The following NBEA variants were observed in gnomAD, a reference collection of about 807,000 sequenced individuals.
The protein encoded by NBEA is neurobeachin, also known as lysosomal-trafficking regulator 2.
NBEA carries 44 observed loss-of-function variants against 343.4 expected under a neutral mutation model. The ratio of observed to expected loss-of-function variants is 0.13; its 90% CI spans 0.10 to 0.16. The LOEUF (loss-of-function observed/expected upper bound fraction) is 0.16. Among genes scored for constraint, NBEA ranks in the 10% least tolerant of loss-of-function variants. The probability of loss-of-function intolerance (pLI) is 1.00; values close to 1 mark genes in which losing one functional copy is unlikely to be tolerated. For synonymous variants in NBEA, 1,175 were observed against 1,238.7 expected (o/e 0.95, Z 1.08); for missense variants, 2,555 against 3,631.3 (o/e 0.70, Z 7.62).
At chr13:35,124,631 T>C (rs1429813303) in intron 17 of NBEA, among the ~76,000 whole-genome samples, 3 of 143,910 alleles carry the variant, frequency 2.1e-5, no homozygotes, top group Admixed American at 1.4e-4. Context: ...TGGATATACA[T>C]ACACACACAT....
intron 35 of NBEA, among the ~76,000 whole-genome samples, chr13:35,308,551 T>C (rs1283247071): frequency 1.8e-5 from 2 of 109,934 alleles, no homozygotes; most frequent in African/African-American, 3.5e-5. Flanking sequence ...TATATATATG[T>C]ATATATGTAT....
At chr13:35,640,614 A>G (rs979691347) in intron 49 of NBEA, among the ~76,000 whole-genome samples, 1 of 152,164 alleles carries the variant, frequency 6.6e-6, no homozygotes, top group Non-Finnish European at 1.5e-5. Flanking sequence ...GGTCCTGCAG[A>G]ATTGTATAAA....
At chr13:35,305,754 G>T (rs1414113212) in intron 35 of NBEA, among the ~76,000 whole-genome samples, 2 of 152,150 alleles carry the variant, frequency 1.3e-5, no homozygotes, top group Admixed American at 6.6e-5. Context: ...GAGATTCGGG[G>T]ACTAGCACAA....
intron 39 of NBEA, among the ~76,000 whole-genome samples, chr13:35,436,216 G>GT (rs988370243): frequency 6.6e-6 from 1 of 152,192 alleles, no homozygotes; most frequent in African/African-American, 2.4e-5. Flanking sequence ...ATTTAAATGT[G>GT]TTTAAGTATT....
intron 41 of NBEA, among the ~76,000 whole-genome samples, chr13:35,511,531 G>A (rs2077276275): frequency 6.6e-6 from 1 of 152,024 alleles, no homozygotes; most frequent in Non-Finnish European, 1.5e-5. Flanking sequence ...AATTATTACT[G>A]GATTTGTTAT....
chr13:35,379,062 C>G (rs1210938583), intron 38 of NBEA, among the ~76,000 whole-genome samples: 7 of 151,350 alleles, frequency 4.6e-5, no homozygotes, highest in African/African-American at 1.7e-4. Context: ...TAATGTTGCT[C>G]TGAACATTCT....
Position 35,620,476 on chromosome 13 carries a change from G to T in NBEA, c.7450-7605G>T, listed in dbSNP as rs576072874. On this transcript the variant is annotated intron_variant, in intron 48 of 58. Coordinates refer to ENST00000379939, the MANE Select transcript of NBEA (RefSeq NM_001385012.1). ...CAAGGAGGCCAGTGGGCCAGGAAAG[G>T]GTGGGCAAGTGGGCACACAGTAGGA... 2.6e-5 allele frequency among the ~76,000 whole-genome samples: 4 copies of T among 152,248 alleles called. No homozygotes were observed. The South Asian group carries it at 8.3e-4, about 32-fold the overall frequency.
intron 35 of NBEA, among the ~76,000 whole-genome samples, chr13:35,307,363 G>A (rs2036963025): frequency 1.3e-5 from 2 of 151,906 alleles, no homozygotes; most frequent in African/African-American, 4.8e-5. Flanking sequence ...ACTTTCATTG[G>A]CTTTCTCAAA....
chr13:35,194,344 C>T (rs2072424272), intron 30 of NBEA, among the ~76,000 whole-genome samples: 1 of 152,046 alleles, frequency 6.6e-6, no homozygotes, highest in Non-Finnish European at 1.5e-5. Flanking sequence ...TTGCTGACAT[C>T]AAGGTAGCCT....
chr13:35,308,532 G>GTA (rs1467270501), intron 35 of NBEA, among the ~76,000 whole-genome samples: 51 of 115,742 alleles, frequency 4.4e-4, no homozygotes, highest in African/African-American at 1.6e-3. Flanking sequence ...GTATATATAT[G>GTA]TATATATGTA....
At chr13:35,105,489 A>G (rs964520903) in intron 11 of NBEA, among the ~76,000 whole-genome samples, 2 of 152,030 alleles carry the variant, frequency 1.3e-5, no homozygotes. Flanking sequence ...TGAGGTCACA[A>G]GGCTGCCAGA....
At chr13:35,173,713 G>A in intron 27 of NBEA, 119 bp downstream of exon 27, 1 of 789,426 alleles carries the variant, frequency 1.3e-6, no homozygotes, top group Non-Finnish European at 1.8e-6. Flanking sequence ...ATTGTCATTA[G>A]GCAGCTCTAG....
intron 1 of NBEA, among the ~76,000 whole-genome samples, chr13:35,015,008 C>T (rs948086032): frequency 6.6e-6 from 1 of 151,268 alleles, no homozygotes; most frequent in African/African-American, 2.4e-5. Flanking sequence ...AGGACAGGGC[C>T]GCATCATCAC....
At chr13:35,669,623 A>G (rs770933923) in intron 58 of NBEA, among the ~76,000 whole-genome samples, 1 of 152,156 alleles carries the variant, frequency 6.6e-6, no homozygotes, top group African/African-American at 2.4e-5. Flanking sequence ...TTGTGTTACT[A>G]TTTGTATATA....
chr13:35,493,090 TA>T (rs1366369077), intron 41 of NBEA, among the ~76,000 whole-genome samples: 1 of 151,946 alleles, frequency 6.6e-6, no homozygotes, highest in East Asian at 1.9e-4. Flanking sequence ...CTGAATTCTC[TA>T]AAAGTGATTA....
chr13:34,992,230 GTGTGTGTGTATA>G, intron 1 of NBEA, among the ~76,000 whole-genome samples: 9 of 112,620 alleles, frequency 8.0e-5, no homozygotes, highest in South Asian at 2.9e-4. Flanking sequence ...ATATGTGTGT[GTGTGTGTGTATA>G]TATATATATA....
chr13:35,085,457 A>G (rs936877718), intron 10 of NBEA, among the ~76,000 whole-genome samples: 6 of 152,208 alleles, frequency 3.9e-5, no homozygotes, highest in African/African-American at 1.4e-4. Context: ...GTAATCCAGC[A>G]TATGAACAGA....
chr13:35,616,340 T>A (rs1398743724), intron 48 of NBEA, among the ~76,000 whole-genome samples: 3 of 152,204 alleles, frequency 2.0e-5, no homozygotes, highest in African/African-American at 7.2e-5. Context: ...TATATTCCAA[T>A]CACCAAATTA....
chr13:35,031,352 T>C (rs906321106), intron 1 of NBEA, among the ~76,000 whole-genome samples: 1 of 151,520 alleles, frequency 6.6e-6, no homozygotes, highest in African/African-American at 2.4e-5. Context: ...GGTAAAAAAG[T>C]GATGTTTGAG....
Sources: gnomAD v4.1 joint callset for allele counts (sites outside exome capture counted in the v4.1 genomes callset) on GRCh38, gnomAD v4.1.1 for gene constraint, MANE v1.5 for transcripts, NCBI Gene and HGNC (gene_info 2026-07-23, HGNC 2026-07-21) for gene names.